Variants in IRF2 observed in about 807,000 individuals in gnomAD.
IRF2 encodes the protein interferon regulatory factor 2.
IRF2 carries 15 observed loss-of-function variants against 40.6 expected under a neutral mutation model. That is an observed-to-expected ratio of 0.37 (90% CI 0.25 to 0.57). The LOEUF (loss-of-function observed/expected upper bound fraction) is 0.57. IRF2 is among the 20% of genes least tolerant of loss of function. The probability of loss-of-function intolerance (pLI) is 0.77; values close to 1 mark genes in which losing one functional copy is unlikely to be tolerated. For missense variants in IRF2, 317 were observed against 455.7 expected (o/e 0.70, Z 2.77); for synonymous variants, 151 against 165.5 (o/e 0.91, Z 0.67).
chr4:184,415,345 C>A (rs751542625), intron 5 of IRF2, among the ~76,000 whole-genome samples: 1 of 152,226 alleles, frequency 6.6e-6, no homozygotes. Context: ...TTGACCCACA[C>A]GGCTGCACCT....
intron 5 of IRF2, among the ~76,000 whole-genome samples, chr4:184,414,304 C>T (rs966558956): frequency 6.6e-6 from 1 of 152,232 alleles, no homozygotes; most frequent in Non-Finnish European, 1.5e-5. Context: ...TATACATGCA[C>T]TGATGATGTA....
intron 6 of IRF2, among the ~76,000 whole-genome samples, chr4:184,404,686 G>A (rs1346640910): frequency 6.6e-6 from 1 of 152,150 alleles, no homozygotes; most frequent in African/African-American, 2.4e-5. Flanking sequence ...TGCTCTTTCG[G>A]TATAAAATAC....
chr4:184,442,604 T>A (rs192930458), intron 1 of IRF2, among the ~76,000 whole-genome samples: 5 of 152,248 alleles, frequency 3.3e-5, no homozygotes, highest in African/African-American at 1.2e-4. Flanking sequence ...AACATTTATT[T>A]AAGGTGCTGA....
chr4:184,388,412 C>T lies in IRF2; in HGVS notation c.*346G>A. The T allele has an allele frequency of 1.2e-5, 3 of 257,834 alleles. No individual in the cohort carries two copies. The South Asian group carries it at 1.8e-4, about 16-fold the overall frequency. 16.0% of individuals were successfully genotyped at this position (257,834 alleles called of 1,614,324 possible). On this transcript the variant is annotated 3_prime_UTR_variant, in exon 9 of 9. Coordinates refer to ENST00000393593, the MANE Select transcript of IRF2 (RefSeq NM_002199.4). This position sits in a 1 kb window ranked among gnomAD's most constrained non-coding sequence, Gnocchi z 4.6. ...TACATATTCACAAGAATAAAAAATT[C>T]CAGCTAGTTCACATTATCTCGTCCG...
At position 184,461,691 on chromosome 4, in the gene IRF2, C is replaced by CG. The variant is rs1028075326; in HGVS notation, c.-7+12687_-7+12688insC. 9.4e-4 allele frequency among the ~76,000 whole-genome samples: 139 copies of CG among 148,050 alleles called. 1 individual carries two copies. Among genetic ancestry groups the CG allele is most frequent in the African/African-American group, 3.3e-3 (133 of 40,068 alleles). On this transcript the variant is annotated intron_variant, in intron 1 of 8. Coordinates refer to ENST00000393593, the MANE Select transcript of IRF2 (RefSeq NM_002199.4). The stretch of plus-strand genomic sequence containing the variant: ...GAGCACTCTCCTCTACCCGCCCCCC[C>CG]ACCGCCCCCCAACCCCCAACCCCCA...
At position 184,448,329 on chromosome 4, in the gene IRF2, A is replaced by C. The variant is rs1392689105; in HGVS notation, c.-6-19259T>G. Reference sequence around the variant, plus strand: ...CAGGATGGTATTAATAAGCACATGCATCAATCACTTTATCTATCCATCCAT... The same window carrying C: ...CAGGATGGTATTAATAAGCACATGCCTCAATCACTTTATCTATCCATCCAT... On this transcript the variant is annotated intron_variant, in intron 1 of 8. Coordinates refer to ENST00000393593, the MANE Select transcript of IRF2 (RefSeq NM_002199.4). The surrounding 1 kb of genome is among the most constrained non-coding windows in gnomAD (Gnocchi z 4.3). Among the ~76,000 whole-genome samples, 2 of 152,240 alleles carry C rather than the reference A, an allele frequency of 1.3e-5. No individual in the cohort carries two copies. The highest frequency in any genetic ancestry group is 4.8e-5 in the African/African-American group (2 of 41,456).
chr4:184,465,290 A>T (rs1235297238), intron 1 of IRF2, among the ~76,000 whole-genome samples: 1 of 152,188 alleles, frequency 6.6e-6, no homozygotes, highest in African/African-American at 2.4e-5. Flanking sequence ...GGAGGCAGAA[A>T]GGCTCGAGAA....
At chr4:184,466,188 C>G (rs1739313167) in intron 1 of IRF2, among the ~76,000 whole-genome samples, 1 of 151,762 alleles carries the variant, frequency 6.6e-6, no homozygotes, top group South Asian at 2.1e-4. Context: ...GTAGCTGGGA[C>G]TACAGGTGCC....
intron 1 of IRF2, among the ~76,000 whole-genome samples, chr4:184,473,697 G>A (rs1361923981): frequency 6.7e-6 from 1 of 149,396 alleles, no homozygotes; most frequent in Non-Finnish European, 1.5e-5. Context: ...CCGACCCCGA[G>A]CCCGGCAGGC....
At chr4:184,401,559 G>A (rs542890497) in intron 6 of IRF2, among the ~76,000 whole-genome samples, 3 of 152,168 alleles carry the variant, frequency 2.0e-5, no homozygotes, top group Non-Finnish European at 2.9e-5. Context: ...ACGTGAGGGT[G>A]AGGACATCAA....
At chr4:184,412,410 A>C (rs1737111936) in intron 5 of IRF2, among the ~76,000 whole-genome samples, 1 of 152,134 alleles carries the variant, frequency 6.6e-6, no homozygotes, top group Non-Finnish European at 1.5e-5. Flanking sequence ...ACCCTGTGCT[A>C]ATGCCCCTTG....
At chr4:184,393,970 G>C (rs1208777634) in intron 7 of IRF2, among the ~76,000 whole-genome samples, 1 of 152,228 alleles carries the variant, frequency 6.6e-6, no homozygotes, top group African/African-American at 2.4e-5. Flanking sequence ...TGGGCCTCCA[G>C]ATCAGTGTTA....
chr4:184,426,442 C>A (rs1008635874), intron 2 of IRF2, among the ~76,000 whole-genome samples: 4 of 152,154 alleles, frequency 2.6e-5, no homozygotes, highest in African/African-American at 9.7e-5. Flanking sequence ...CTGTGTGTGC[C>A]TTCTCCTCTT....
At chr4:184,391,555 C>A (rs1490732525) in intron 7 of IRF2, among the ~76,000 whole-genome samples, 2 of 152,194 alleles carry the variant, frequency 1.3e-5, no homozygotes, top group Non-Finnish European at 2.9e-5. Context: ...CAACAACCTG[C>A]AAGAAACTTA....
chr4:184,397,487 T>C (rs1736511189), intron 7 of IRF2, among the ~76,000 whole-genome samples: 1 of 151,898 alleles, frequency 6.6e-6, no homozygotes, highest in Non-Finnish European at 1.5e-5. Context: ...ATGGCTAAAA[T>C]GGTAAATTTT....
Position 184,413,772 on chromosome 4 carries a change from G to A in IRF2, c.411+4395C>T, listed in dbSNP as rs1737161281. Among the ~76,000 whole-genome samples, 1 of 152,200 alleles carries A rather than the reference G, an allele frequency of 6.6e-6. No homozygotes were observed. Among genetic ancestry groups the A allele is most frequent in the African/African-American group, 2.4e-5 (1 of 41,442 alleles). On this transcript the variant is annotated intron_variant, in intron 5 of 8. Coordinates refer to ENST00000393593, the MANE Select transcript of IRF2 (RefSeq NM_002199.4). This position sits in a 1 kb window ranked among gnomAD's most constrained non-coding sequence, Gnocchi z 4.2. The stretch of plus-strand genomic sequence containing the variant: ...AGTTTCAAGCATGTATGTTTCAGCT[G>A]CAAACAACCCTCCGAAGCAGGAAGT...
intron 1 of IRF2, among the ~76,000 whole-genome samples, chr4:184,433,830 G>A (rs1442493175): frequency 6.6e-6 from 1 of 152,192 alleles, no homozygotes; most frequent in Non-Finnish European, 1.5e-5. Context: ...TCGCGACACG[G>A]TACAAAGTTT....
intron 1 of IRF2, among the ~76,000 whole-genome samples, chr4:184,444,905 T>C (rs930507494): frequency 4.6e-5 from 7 of 152,348 alleles, no homozygotes; most frequent in South Asian, 2.1e-4. Flanking sequence ...GAATATTTAA[T>C]TTGTGCAGGA....
intron 1 of IRF2, among the ~76,000 whole-genome samples, chr4:184,434,285 GGT>G (rs1256592018): frequency 6.6e-6 from 1 of 152,174 alleles, no homozygotes; most frequent in Non-Finnish European, 1.5e-5. Context: ...TGCCATTGCT[GGT>G]GTGTGTCCTT....
Sources: gnomAD v4.1 joint callset for allele counts (sites outside exome capture counted in the v4.1 genomes callset) on GRCh38, gnomAD v4.1.1 for gene constraint, Gnocchi (gnomAD v3.1) non-coding constraint, MANE v1.5 for transcripts, NCBI Gene and HGNC (gene_info 2026-07-23, HGNC 2026-07-21) for gene names.